Variants in HS6ST3 observed in about 807,000 individuals in gnomAD.
HS6ST3 encodes heparan-sulfate 6-O-sulfotransferase 3.
Under a neutral mutation model 36.7 loss-of-function variants are expected in HS6ST3, and 12 were observed. That is an observed-to-expected ratio of 0.33 (90% confidence interval 0.21 to 0.53). The LOEUF is 0.53. Ranked by LOEUF, HS6ST3 falls within the 20% of genes least tolerant of loss-of-function variation. HS6ST3 has a pLI of 0.95. For synonymous variants in HS6ST3, 240 were observed against 257.5 expected (o/e 0.93, Z 0.65); for missense variants, 584 against 640.9 (o/e 0.91, Z 0.96).
intron 1 of HS6ST3, among the ~76,000 whole-genome samples, chr13:96,336,290 A>G (rs895988781): frequency 6.6e-6 from 1 of 152,066 alleles, no homozygotes; most frequent in Non-Finnish European, 1.5e-5. Context: ...AGCTGCTTCT[A>G]CTATTTGCCT....
At chr13:96,515,627 C>T (rs781411288) in intron 1 of HS6ST3, among the ~76,000 whole-genome samples, 5 of 152,134 alleles carry the variant, frequency 3.3e-5, no homozygotes, top group Non-Finnish European at 7.4e-5. Context: ...ATAATCCCCA[C>T]GTGTCGAGAG....
chr13:96,146,169 A>G (rs1450577587), intron 1 of HS6ST3, among the ~76,000 whole-genome samples: 1 of 152,166 alleles, frequency 6.6e-6, no homozygotes, highest in East Asian at 1.9e-4. Context: ...ACTTTAAAGT[A>G]GTTTTTTTCC....
chr13:96,580,718 G>A (rs529033215), intron 1 of HS6ST3, among the ~76,000 whole-genome samples: 8 of 152,080 alleles, frequency 5.3e-5, no homozygotes, highest in African/African-American at 1.4e-4. Context: ...TGTTTTCTAT[G>A]TACTCATTTA....
chr13:96,200,254 A>T (rs549405109), intron 1 of HS6ST3, among the ~76,000 whole-genome samples: 1 of 152,018 alleles, frequency 6.6e-6, no homozygotes, highest in African/African-American at 2.4e-5. Flanking sequence ...GTAAAATCTC[A>T]TACCCTGCAA....
At chr13:96,779,383 A>G (rs1210621610) in intron 1 of HS6ST3, among the ~76,000 whole-genome samples, 2 of 151,964 alleles carry the variant, frequency 1.3e-5, no homozygotes, top group African/African-American at 2.4e-5. Flanking sequence ...AATTTTTTCC[A>G]TAGGAATTTG....
chr13:96,302,078 G>A (rs1594747442), intron 1 of HS6ST3, among the ~76,000 whole-genome samples: 1 of 151,784 alleles, frequency 6.6e-6, no homozygotes, highest in African/African-American at 2.4e-5. Flanking sequence ...GGTGGCAGTG[G>A]GGGTTATATT....
At chr13:96,200,276 G>T (rs1234424015) in intron 1 of HS6ST3, among the ~76,000 whole-genome samples, 1 of 152,094 alleles carries the variant, frequency 6.6e-6, no homozygotes, top group African/African-American at 2.4e-5. Context: ...GGCTCTCGAG[G>T]CCCACATGAT....
At chr13:96,578,653 C>T (rs899699275) in intron 1 of HS6ST3, among the ~76,000 whole-genome samples, 3 of 152,078 alleles carry the variant, frequency 2.0e-5, no homozygotes, top group African/African-American at 4.8e-5. Context: ...CTCTGCTTTC[C>T]GGGTCAAGCG....
intron 1 of HS6ST3, among the ~76,000 whole-genome samples, chr13:96,662,294 T>C (rs1399940505): frequency 6.6e-6 from 1 of 152,178 alleles, no homozygotes; most frequent in African/African-American, 2.4e-5. Context: ...GTTCATTTTT[T>C]ATGTAGTTCT....
At chr13:96,236,929 G>T (rs973562598) in intron 1 of HS6ST3, among the ~76,000 whole-genome samples, 1 of 152,184 alleles carries the variant, frequency 6.6e-6, no homozygotes, top group Non-Finnish European at 1.5e-5. Context: ...AAGAAAAGAG[G>T]TTTAATTGAC....
chr13:96,115,804 C>T (rs2053891266), intron 1 of HS6ST3, among the ~76,000 whole-genome samples: 1 of 152,176 alleles, frequency 6.6e-6, no homozygotes, highest in Non-Finnish European at 1.5e-5. Context: ...GGTTCTGGAT[C>T]CTTGAGGAAT....
chr13:96,392,712 G>A (rs761409716), intron 1 of HS6ST3, among the ~76,000 whole-genome samples: 5 of 152,186 alleles, frequency 3.3e-5, no homozygotes, highest in Non-Finnish European at 5.9e-5. Context: ...AAAATAATTG[G>A]CATGGCTGAA....
intron 1 of HS6ST3, among the ~76,000 whole-genome samples, chr13:96,578,231 G>A (rs1269570487): frequency 6.6e-6 from 1 of 152,344 alleles, no homozygotes; most frequent in East Asian, 1.9e-4. Flanking sequence ...TGAGGAATGA[G>A]CACTGTCAGT....
intron 1 of HS6ST3, among the ~76,000 whole-genome samples, chr13:96,411,086 C>T (rs2055505116): frequency 1.3e-5 from 2 of 152,082 alleles, no homozygotes; most frequent in African/African-American, 4.8e-5. Context: ...TGAAGACCAC[C>T]TAGGGTTCAA....
At chr13:96,257,272 G>A (rs2054641792) in intron 1 of HS6ST3, among the ~76,000 whole-genome samples, 1 of 152,134 alleles carries the variant, frequency 6.6e-6, no homozygotes, top group African/African-American at 2.4e-5. Flanking sequence ...TATCTACTGT[G>A]CATCTGCAGG....
intron 1 of HS6ST3, among the ~76,000 whole-genome samples, chr13:96,322,599 A>G (rs1411737293): frequency 1.3e-5 from 2 of 151,762 alleles, no homozygotes; most frequent in East Asian, 3.9e-4. Flanking sequence ...AAAGTAAAAT[A>G]AAATAAAATG....
At chr13:96,433,461 G>A (rs1171539429) in intron 1 of HS6ST3, among the ~76,000 whole-genome samples, 4 of 152,168 alleles carry the variant, frequency 2.6e-5, no homozygotes, top group Non-Finnish European at 4.4e-5. Flanking sequence ...TGTTCTTATG[G>A]TAGTGAATAA....
intron 1 of HS6ST3, among the ~76,000 whole-genome samples, chr13:96,666,729 A>T (rs1483662425): frequency 6.6e-6 from 1 of 152,044 alleles, no homozygotes; most frequent in Non-Finnish European, 1.5e-5. Context: ...TTTCTGTGTG[A>T]CCTCATTTTC....
At position 96,661,476 on chromosome 13, in the gene HS6ST3, G is replaced by A. The variant is rs74107977; in HGVS notation, c.708-171014G>A. ...TTCTTTTTCCAACATTTTACTTTGA[G>A]TCTGTGAATGTCTTTACCCATTAGG... On this transcript the variant is annotated intron_variant, in intron 1 of 1. Transcript: ENST00000376705. 8.5e-3 allele frequency among the ~76,000 whole-genome samples: 1,293 copies of A among 152,098 alleles called. 21 individuals are homozygous for A. The highest frequency in any genetic ancestry group is 0.029 in the African/African-American group (1,202 of 41,480).
Sources: gnomAD v4.1 joint callset for allele counts (sites outside exome capture counted in the v4.1 genomes callset) on GRCh38, gnomAD v4.1.1 for gene constraint, MANE v1.5 for transcripts, NCBI Gene and HGNC (gene_info 2026-07-23, HGNC 2026-07-21) for gene names.